Variants in GRIK4 observed in about 807,000 individuals in gnomAD.
GRIK4 encodes glutamate ionotropic receptor kainate type subunit 4.
Under a neutral mutation model 104.9 loss-of-function variants are expected in GRIK4, and 40 were observed. The ratio of observed to expected loss-of-function variants is 0.38; its 90% CI spans 0.30 to 0.50. GRIK4 has a LOEUF of 0.50. GRIK4 is among the 20% of genes least tolerant of loss of function. The pLI is 0.93. For missense variants in GRIK4, 1,047 were observed against 1,308.1 expected, an observed-to-expected ratio of 0.80 and a Z score of 3.08; for synonymous variants, 485 against 524.9, an observed-to-expected ratio of 0.92 and a Z score of 1.04.
chr11:120,766,304 C>A (rs570732793), intron 3 of GRIK4, among the ~76,000 whole-genome samples: 1 of 152,218 alleles, frequency 6.6e-6, no homozygotes, highest in Non-Finnish European at 1.5e-5. Context: ...CCCCTCCCCC[C>A]ACCAAGCCTG....
intron 1 of GRIK4, among the ~76,000 whole-genome samples, chr11:120,512,935 C>T (rs2136066873): frequency 6.6e-6 from 1 of 152,262 alleles, no homozygotes; most frequent in African/African-American, 2.4e-5. Context: ...AGTGGTGGGG[C>T]AATGCGGGCC....
In GRIK4 at chr11:120,956,401, C is replaced by T. The variant is rs186245225; in HGVS notation, c.1701-379C>T. Among the ~76,000 whole-genome samples, 191 of 152,098 alleles carry T rather than the reference C, an allele frequency of 1.3e-3. No homozygotes were observed. Among genetic ancestry groups the T allele is most frequent in the Non-Finnish European group, 2.0e-3 (136 of 67,986 alleles). On this transcript the variant is annotated intron_variant, in intron 15 of 20. Transcript: ENST00000527524. This position sits in a 1 kb window ranked among gnomAD's most constrained non-coding sequence, Gnocchi z 4.6. The stretch of plus-strand genomic sequence containing the variant: ...GTATTTTTTAGTAGAGACGGGTTTT[C>T]GCTGTGTTGCCCAGGCTGGTCTCGA...
intron 1 of GRIK4, among the ~76,000 whole-genome samples, chr11:120,644,142 T>A (rs545292161): frequency 2.0e-5 from 3 of 152,210 alleles, no homozygotes; most frequent in Non-Finnish European, 2.9e-5. Flanking sequence ...GGGTTTTTTT[T>A]ATTATTTAAT....
intron 3 of GRIK4, among the ~76,000 whole-genome samples, chr11:120,792,253 C>T (rs555363512): frequency 2.8e-4 from 41 of 148,988 alleles, no homozygotes; most frequent in South Asian, 6.6e-4. Context: ...TGTGTGTGTG[C>T]GTGTGTGTGT....
intron 8 of GRIK4, among the ~76,000 whole-genome samples, chr11:120,859,555 A>G (rs1047127413): frequency 2.6e-5 from 4 of 152,136 alleles, no homozygotes; most frequent in African/African-American, 4.8e-5. Flanking sequence ...TCTGCCCACA[A>G]TGATAAGGAA....
Position 120,780,079 on chromosome 11 carries a change from A to G in GRIK4, c.83-22614A>G, listed in dbSNP as rs192771745. On this transcript the variant is annotated intron_variant, in intron 3 of 20. Transcript: ENST00000527524. Reference sequence around the variant, plus strand: ...TAGTACTATTTTACTCTAATCTCCTAGATTATCATGAGATACAAATGAGAC... The same window carrying G: ...TAGTACTATTTTACTCTAATCTCCTGGATTATCATGAGATACAAATGAGAC... 2.9e-3 allele frequency among the ~76,000 whole-genome samples: 444 copies of G among 152,362 alleles called. 2 individuals are homozygous for G. Among genetic ancestry groups the G allele is most frequent in the Non-Finnish European group, 3.9e-3 (268 of 68,038 alleles).
intron 3 of GRIK4, among the ~76,000 whole-genome samples, chr11:120,782,857 T>G (rs555427552): frequency 6.6e-6 from 1 of 152,300 alleles, no homozygotes; most frequent in African/African-American, 2.4e-5. Flanking sequence ...CTGGAGGCAT[T>G]CTTAGTTGTC....
chr11:120,701,567 A>T (rs923795638), intron 3 of GRIK4, among the ~76,000 whole-genome samples: 2 of 152,228 alleles, frequency 1.3e-5, no homozygotes, highest in South Asian at 4.1e-4. Context: ...AATGTGAATA[A>T]TGCTGGAGTG....
chr11:120,673,567 C>T (rs1171098263), intron 3 of GRIK4, among the ~76,000 whole-genome samples: 1 of 152,250 alleles, frequency 6.6e-6, no homozygotes, highest in Non-Finnish European at 1.5e-5. Context: ...CCTTGTCCCT[C>T]AGATCCAAAC....
chr11:120,942,538 G>A (rs1943750444), intron 14 of GRIK4, among the ~76,000 whole-genome samples: 1 of 152,182 alleles, frequency 6.6e-6, no homozygotes, highest in African/African-American at 2.4e-5. Flanking sequence ...CCAGATGGCA[G>A]AAGGTACCTG....
chr11:120,547,416 T>C (rs1478384104), intron 1 of GRIK4, among the ~76,000 whole-genome samples: 1 of 152,154 alleles, frequency 6.6e-6, no homozygotes, highest in Non-Finnish European at 1.5e-5. Flanking sequence ...AATAGCGTGG[T>C]GAGATGGAGC....
Position 120,905,553 on chromosome 11 carries a change from G to A in GRIK4, c.1476+60G>A. On this transcript the variant is annotated intron_variant, in intron 13 of 20. Transcript: ENST00000527524. The surrounding 1 kb of genome is among the most constrained non-coding windows in gnomAD (Gnocchi z 5.1). ...GGGCTGGGAGGGATTGGAAGAGCAT[G>A]AGGTTGTGCTGCACGCTCATGAACC... The A allele has an allele frequency of 1.9e-6, 2 of 1,061,668 alleles. No homozygotes were observed. The highest frequency in any genetic ancestry group is 2.5e-5 in the South Asian group (2 of 79,696). 65.8% of individuals were successfully genotyped at this position (1,061,668 alleles called of 1,614,324 possible). A position where few individuals can be genotyped will look rare whatever the true frequency, so the allele number is the denominator to read the frequency against.
Position 120,877,767 on chromosome 11 carries a change from C to T in GRIK4, c.1164+2524C>T, listed in dbSNP as rs117361791. Among the ~76,000 whole-genome samples, 96 of 152,220 alleles carry T rather than the reference C, an allele frequency of 6.3e-4. No individual in the cohort carries two copies. The East Asian group carries it at 0.017, about 27-fold the overall frequency. On this transcript the variant is annotated intron_variant, in intron 11 of 20. Coordinates refer to ENST00000527524, the MANE Select transcript of GRIK4 (RefSeq NM_014619.5). ...GAGAAGGGGGTGGAGATGATTACAG[C>T]GGAGGAACAGTTAGGAGAACATGAT...
At chr11:120,702,139 A>G (rs1950562743) in intron 3 of GRIK4, among the ~76,000 whole-genome samples, 1 of 152,112 alleles carries the variant, frequency 6.6e-6, no homozygotes. Context: ...TATTTTTAGT[A>G]GAGATGGGGT....
chr11:120,784,980 G>A (rs1157922644), intron 3 of GRIK4, among the ~76,000 whole-genome samples: 3 of 152,164 alleles, frequency 2.0e-5, no homozygotes, highest in Non-Finnish European at 2.9e-5. Context: ...ATCTGGGCTA[G>A]GTCTCCCCTG....
At chr11:120,958,872 T>G (rs1944226366) in intron 16 of GRIK4, among the ~76,000 whole-genome samples, 1 of 152,080 alleles carries the variant, frequency 6.6e-6, no homozygotes, top group South Asian at 2.1e-4. Context: ...TCCTGGGGAC[T>G]GCCCACCCCA....
chr11:120,798,157 CTTTTTTTTTTTTTTT>C lies in GRIK4; in HGVS notation c.83-4525_83-4511del, dbSNP rs539833846. On this transcript the variant is annotated intron_variant, in intron 3 of 20. Transcript: ENST00000527524. The stretch of plus-strand genomic sequence containing the variant: ...AAAAAGAGAGTGAGCTCTGCTGTCT[CTTTTTTTTTTTTTTT>C]TTTTTTTTTTGGAGATGGAGTCTTG... Among the ~76,000 whole-genome samples, 20 of 68,094 alleles carry C rather than the reference CTTTTTTTTTTTTTTT, an allele frequency of 2.9e-4. No homozygotes were observed. The Admixed American group carries it at 4.4e-3, about 15-fold the overall frequency. The allele number at this position is 68,094 out of a possible 152,430, so 44.7% of individuals were successfully genotyped here.
intron 3 of GRIK4, among the ~76,000 whole-genome samples, chr11:120,702,896 G>T (rs992876227): frequency 6.6e-6 from 1 of 152,220 alleles, no homozygotes; most frequent in African/African-American, 2.4e-5. Context: ...AAGAAAAAAG[G>T]AAGTTACCAG....
intron 19 of GRIK4, among the ~76,000 whole-genome samples, chr11:120,979,225 A>G (rs1471890043): frequency 3.3e-5 from 5 of 152,214 alleles, no homozygotes; most frequent in Admixed American, 6.5e-5. Flanking sequence ...AAAATGTAAC[A>G]TTGTTTCAAC....
Sources: gnomAD v4.1 joint callset for allele counts (sites outside exome capture counted in the v4.1 genomes callset) on GRCh38, gnomAD v4.1.1 for gene constraint, Gnocchi (gnomAD v3.1) non-coding constraint, MANE v1.5 for transcripts, NCBI Gene and HGNC (gene_info 2026-07-23, HGNC 2026-07-21) for gene names.